CNTNAP5: variants seen among roughly 807,000 people sequenced by gnomAD.
CNTNAP5 encodes the protein contactin-associated protein-like 5.
Under a neutral mutation model 150.2 loss-of-function variants are expected in CNTNAP5, and 72 were observed. That is an observed-to-expected ratio of 0.48 (90% confidence interval 0.40 to 0.58). The LOEUF is 0.58. CNTNAP5 is among the 20% of genes least tolerant of loss of function. The pLI is 0.00. For synonymous variants in CNTNAP5, 672 were observed against 619.8 expected, an observed-to-expected ratio of 1.08 and a Z score of -1.25; for missense variants, 1,636 against 1,626.2, an observed-to-expected ratio of 1.01 and a Z score of -0.10.
At chr2:124,158,127 G>C (rs762744827) in intron 1 of CNTNAP5, among the ~76,000 whole-genome samples, 1 of 152,102 alleles carries the variant, frequency 6.6e-6, no homozygotes, top group Non-Finnish European at 1.5e-5. Flanking sequence ...ACCTTTCCTT[G>C]TTTCCTGAGA....
intron 3 of CNTNAP5, among the ~76,000 whole-genome samples, chr2:124,260,189 A>G (rs1002126073): frequency 3.9e-5 from 6 of 152,192 alleles, no homozygotes; most frequent in Non-Finnish European, 5.9e-5. Context: ...AATGGAACAG[A>G]ACAGAACCCT....
intron 11 of CNTNAP5, among the ~76,000 whole-genome samples, chr2:124,577,197 T>A (rs1316129863): frequency 1.3e-5 from 2 of 152,222 alleles, no homozygotes; most frequent in African/African-American, 4.8e-5. Flanking sequence ...TCATCACGTC[T>A]CAGTCGCTTG....
chr2:124,095,055 T>C (rs76922533), intron 1 of CNTNAP5, among the ~76,000 whole-genome samples: 1,555 of 152,250 alleles, frequency 0.01, 30 homozygotes, highest in African/African-American at 0.036. Flanking sequence ...CTTATGTTTA[T>C]TGCAGCACTA....
chr2:124,888,350 A>C lies in CNTNAP5; in HGVS notation c.3437-14532A>C, dbSNP rs117637096. Among the ~76,000 whole-genome samples the C allele has an allele frequency of 8.1e-3, 1,228 of 152,244 alleles. 71 individuals carry two copies. In the East Asian group the frequency reaches 0.15, roughly 19 times the overall value. Reference sequence around the variant, plus strand: ...CATTTTCCCTTTCCATCCACCATCGATGGACATGTAGTTCGATTCCATGTC... The same window carrying C: ...CATTTTCCCTTTCCATCCACCATCGCTGGACATGTAGTTCGATTCCATGTC... On this transcript the variant is annotated intron_variant, in intron 21 of 23. Transcript: ENST00000682447.
At chr2:124,786,390 A>AGAAG (rs1681580996) in intron 17 of CNTNAP5, among the ~76,000 whole-genome samples, 1 of 74,696 alleles carries the variant, frequency 1.3e-5, no homozygotes. Context: ...AAAGAAAGAA[A>AGAAG]GAAAGAAAGA....
At chr2:124,440,837 T>C (rs1573996562) in intron 5 of CNTNAP5, among the ~76,000 whole-genome samples, 1 of 152,136 alleles carries the variant, frequency 6.6e-6, no homozygotes, top group African/African-American at 2.4e-5. Context: ...CAATTGCCCA[T>C]GAAAATTTTT....
chr2:124,654,654 C>T (rs1469730640), intron 13 of CNTNAP5, among the ~76,000 whole-genome samples: 8 of 152,142 alleles, frequency 5.3e-5, no homozygotes, highest in Non-Finnish European at 1.0e-4. Context: ...TGGAGGTCCG[C>T]GTCAGAGAGC....
At chr2:124,836,540 A>G (rs1339823438) in intron 19 of CNTNAP5, among the ~76,000 whole-genome samples, 3 of 152,180 alleles carry the variant, frequency 2.0e-5, no homozygotes, top group East Asian at 3.9e-4. Context: ...ACACTTACTC[A>G]TAGTGGCTAT....
chr2:124,100,210 A>G (rs962059987), intron 1 of CNTNAP5, among the ~76,000 whole-genome samples: 4 of 152,124 alleles, frequency 2.6e-5, no homozygotes, highest in Non-Finnish European at 4.4e-5. Flanking sequence ...ATTTTTAAAC[A>G]ACCAGAGCAC....
At chr2:124,067,484 A>C (rs1682190088) in intron 1 of CNTNAP5, among the ~76,000 whole-genome samples, 1 of 152,152 alleles carries the variant, frequency 6.6e-6, no homozygotes, top group Non-Finnish European at 1.5e-5. Context: ...CCTCTATCCT[A>C]TAAGATAAGT....
chr2:124,630,861 G>C (rs901154448), intron 12 of CNTNAP5, among the ~76,000 whole-genome samples: 1 of 152,110 alleles, frequency 6.6e-6, no homozygotes, highest in Admixed American at 6.5e-5. Flanking sequence ...AAGCTGATAA[G>C]CAACTTCAGC....
At chr2:124,416,113 C>CA (rs1366226567) in intron 3 of CNTNAP5, among the ~76,000 whole-genome samples, 2 of 151,888 alleles carry the variant, frequency 1.3e-5, no homozygotes, top group African/African-American at 4.8e-5. Context: ...GGATTGAAGA[C>CA]AATTGTTTCT....
At chr2:124,448,083 A>G (rs1459203108) in intron 6 of CNTNAP5, among the ~76,000 whole-genome samples, 1 of 152,048 alleles carries the variant, frequency 6.6e-6, no homozygotes, top group Non-Finnish European at 1.5e-5. Context: ...CCTGGCTAAC[A>G]TGGTGAAACC....
At chr2:124,527,220 TA>T in intron 9 of CNTNAP5, 64 bp from the exon 10 acceptor site, 1 of 1,435,938 alleles carries the variant, frequency 7.0e-7, no homozygotes, top group Non-Finnish European at 9.6e-7. Flanking sequence ...CTTCCATCAA[TA>T]GGTCGCCAAA....
chr2:124,681,322 G>T (rs1422742944), intron 13 of CNTNAP5, among the ~76,000 whole-genome samples: 3 of 133,132 alleles, frequency 2.3e-5, no homozygotes, highest in Non-Finnish European at 3.3e-5. Context: ...AAAAAAAAAA[G>T]TTGAGACAGC....
chr2:124,338,482 A>C (rs1363991439), intron 3 of CNTNAP5, among the ~76,000 whole-genome samples: 1 of 152,086 alleles, frequency 6.6e-6, no homozygotes, highest in East Asian at 1.9e-4. Flanking sequence ...TTTTAACCTC[A>C]GTTGCCTGGT....
chr2:124,913,410 A>G (rs1678696802), intron 23 of CNTNAP5, among the ~76,000 whole-genome samples: 1 of 152,074 alleles, frequency 6.6e-6, no homozygotes, highest in Non-Finnish European at 1.5e-5. Flanking sequence ...TAATCCAGTT[A>G]AATCACACAC....
chr2:124,296,243 A>C (rs895690924), intron 3 of CNTNAP5, among the ~76,000 whole-genome samples: 2 of 152,216 alleles, frequency 1.3e-5, no homozygotes, highest in African/African-American at 4.8e-5. Context: ...TAATGCCACA[A>C]AGATTTATTT....
chr2:124,353,584 G>A (rs527548590), intron 3 of CNTNAP5, among the ~76,000 whole-genome samples: 98 of 152,216 alleles, frequency 6.4e-4, no homozygotes, highest in South Asian at 1.7e-3. Flanking sequence ...GGCGGAGTGA[G>A]AATTTGTATT....
Sources: allele counts gnomAD v4.1 joint callset (sites outside exome capture counted in the v4.1 genomes callset), GRCh38; gene constraint gnomAD v4.1.1; transcripts MANE v1.5; gene names NCBI Gene and HGNC (gene_info 2026-07-23, HGNC 2026-07-21).